The following RND3 variants were observed in gnomAD, a reference collection of about 807,000 sequenced individuals.
RND3 encodes the protein Rho family GTPase 3, also known as rho-related GTP-binding protein RhoE.
Under a neutral mutation model 26.5 loss-of-function variants are expected in RND3, and 8 were observed. The ratio of observed to expected loss-of-function variants is 0.30; its 90% CI spans 0.18 to 0.54. The LOEUF (loss-of-function observed/expected upper bound fraction) is 0.54, where lower values mean the gene tolerates loss of function less well. Ranked by LOEUF, RND3 falls within the 20% of genes least tolerant of loss-of-function variation. The probability of loss-of-function intolerance (pLI) is 0.94; values close to 1 mark genes in which losing one functional copy is unlikely to be tolerated. For missense variants in RND3, 207 were observed against 302.8 expected, an observed-to-expected ratio of 0.68 and a Z score of 2.35; for synonymous variants, 113 against 113.0, an observed-to-expected ratio of 1.00 and a Z score of 0.00.
At chr2:150,482,859 C>T (rs1422134067) in intron 3 of RND3, among the ~76,000 whole-genome samples, 2 of 152,088 alleles carry the variant, frequency 1.3e-5, no homozygotes, top group Non-Finnish European at 2.9e-5. Context: ...AAGGACCTGA[C>T]AAAATTAGGT....
rs750552350 is a variant in RND3 at position 150,486,252 on chromosome 2, C to G, written c.238+442G>C. Among the ~76,000 whole-genome samples the G allele has an allele frequency of 2.0e-5, 3 of 151,862 alleles. No individual in the cohort carries two copies. The highest frequency in any genetic ancestry group is 2.9e-5 in the Non-Finnish European group (2 of 67,962). ...GCGTCGCCTCTGGGATTTTCTCCCG[C>G]CTCCCATCACCCCCGCGGCGCTCCC... On this transcript the variant is annotated intron_variant, in intron 3 of 5. Coordinates refer to ENST00000263895, the MANE Select transcript of RND3 (RefSeq NM_005168.5). This position sits in a 1 kb window ranked among gnomAD's most constrained non-coding sequence, Gnocchi z 4.5.
At chr2:150,476,876 A>G (rs991958037) in intron 3 of RND3, among the ~76,000 whole-genome samples, 3 of 152,202 alleles carry the variant, frequency 2.0e-5, no homozygotes, top group Admixed American at 1.3e-4. Flanking sequence ...CTACATTAGT[A>G]TTTCCATATT....
Position 150,487,470 on chromosome 2 carries a change from A to ATATAT in RND3, c.-38-16_-38-15insATATA, listed in dbSNP as rs1236158055. On this transcript the variant is annotated splice_polypyrimidine_tract_variant and intron_variant, in intron 1 of 5. Coordinates refer to ENST00000263895, the MANE Select transcript of RND3 (RefSeq NM_005168.5). ...AGGAATTTTCTCTTAAGAAGAAAAA[A>ATATAT]AAAAATATATATATATATATATATT... The ATATAT allele has an allele frequency of 2.0e-5, 8 of 402,446 alleles. No homozygotes were observed. The highest frequency in any genetic ancestry group is 1.0e-4 in the African/African-American group (3 of 28,770). 24.9% of individuals were successfully genotyped at this position (402,446 alleles called of 1,614,324 possible). A position where few individuals can be genotyped will look rare whatever the true frequency, so the allele number is the denominator to read the frequency against.
chr2:150,485,646 A>G (rs1299899506), intron 3 of RND3, among the ~76,000 whole-genome samples: 3 of 152,208 alleles, frequency 2.0e-5, no homozygotes, highest in African/African-American at 4.8e-5. Context: ...CTTGGAAACA[A>G]ACTCGCTAGA....
At position 150,469,981 on chromosome 2, in the gene RND3, A is replaced by G. The variant is rs1211250687; in HGVS notation, c.*6T>C. On this transcript the variant is annotated 3_prime_UTR_variant, in exon 6 of 6. Transcript: ENST00000263895. ...TCCTTTGTCTTCATTAAAGATAATG[A>G]AAGATTCACATCACAGTGCAGCTCT... 3.1e-6 allele frequency: 5 copies of G among 1,612,686 alleles called. No individual in the cohort carries two copies. The highest frequency in any genetic ancestry group is 4.2e-6 in the Non-Finnish European group (5 of 1,179,074).
intron 4 of RND3, 58 bp downstream of exon 4, chr2:150,474,817 A>G: frequency 1.0e-6 from 1 of 982,768 alleles, no homozygotes; most frequent in Admixed American, 1.8e-5. Flanking sequence ...AACAAACCCC[A>G]CGTTTCTATT....
rs1451483010 is a variant in RND3 at position 150,471,630 on chromosome 2, G to A, written c.480C>T (p.Asp160=). The change falls in exon 5 of 6, where the codon GAC becomes GAT. Residue 160 remains aspartate (D), a synonymous_variant. Transcript: ENST00000263895. ...TGCACATGGGCAACATACATACCTG[G>A]TCATAGGACACTGGCGTCTGCCTGT... The part of the protein sequence containing the change: ...SNHRQTPVSY[D]QGANMAKQIG... 1.2e-6 allele frequency: 2 copies of A among 1,610,282 alleles called. No homozygotes were observed. The highest frequency in any genetic ancestry group is 1.3e-5 in the African/African-American group (1 of 74,780).
chr2:150,473,835 A>G (rs891154907), intron 4 of RND3, among the ~76,000 whole-genome samples: 2 of 152,222 alleles, frequency 1.3e-5, no homozygotes, highest in African/African-American at 4.8e-5. Context: ...TTAAAATGAA[A>G]AAAACAAAAC....
rs2293566 is a variant in RND3, at chr2:150,474,819, G to A, written c.348+56C>T. The A allele has an allele frequency of 2.3e-3, 2,321 of 1,011,182 alleles. 21 individuals carry two copies. In the Middle Eastern group the frequency reaches 0.028, roughly 12 times the overall value. 62.6% of individuals were successfully genotyped at this position (1,011,182 alleles called of 1,614,324 possible). ...CTTTGAGCTTCCCAACAAACCCCAC[G>A]TTTCTATTTATACATCACCCAGTAC... On this transcript the variant is annotated intron_variant, in intron 4 of 5. Coordinates refer to ENST00000263895, the MANE Select transcript of RND3 (RefSeq NM_005168.5).
chr2:150,487,215 C>T, intron 2 of RND3, 53 bp downstream of exon 2: 3 of 1,382,866 alleles, frequency 2.2e-6, no homozygotes, highest in Non-Finnish European at 2.9e-6. Flanking sequence ...CACCTCGGGA[C>T]TGGGATCCCA....
intron 3 of RND3, among the ~76,000 whole-genome samples, chr2:150,481,508 T>C (rs927898026): frequency 1.3e-5 from 2 of 152,178 alleles, no homozygotes; most frequent in Non-Finnish European, 2.9e-5. Context: ...AGCCTGAATA[T>C]TTTAAATTTT....
At chr2:150,478,578 G>GAAAAAAAAA (rs752844515) in intron 3 of RND3, among the ~76,000 whole-genome samples, 1,089 of 73,866 alleles carry the variant, frequency 0.015, 15 homozygotes, top group African/African-American at 0.024. Context: ...AAGCCAAACG[G>GAAAAAAAAA]CAAAAAAAAA....
intron 3 of RND3, 148 bp from the exon 4 acceptor site, chr2:150,475,132 G>C: frequency 3.5e-6 from 2 of 578,534 alleles, no homozygotes; most frequent in Non-Finnish European, 6.3e-6. Flanking sequence ...AATTCAAACA[G>C]ACACACAAAA....
chr2:150,485,672 C>A (rs79699548), intron 3 of RND3, among the ~76,000 whole-genome samples: 1,738 of 152,216 alleles, frequency 0.011, 41 homozygotes, highest in African/African-American at 0.039. Flanking sequence ...CTGGTTAGGG[C>A]GGCGGGTGCC....
At chr2:150,471,500 A>G (rs781458782) in intron 5 of RND3, 127 bp downstream of exon 5, 2 of 732,856 alleles carry the variant, frequency 2.7e-6, no homozygotes, top group African/African-American at 1.8e-5. Context: ...AGCATTTTAA[A>G]TTTCACAACT....
intron 3 of RND3, among the ~76,000 whole-genome samples, chr2:150,476,554 T>C (rs1259615548): frequency 6.6e-6 from 1 of 152,174 alleles, no homozygotes; most frequent in Admixed American, 6.5e-5. Flanking sequence ...TGTGAATAAA[T>C]AGAGAATTAA....
chr2:150,476,869 C>T (rs1211361491), intron 3 of RND3, among the ~76,000 whole-genome samples: 1 of 152,182 alleles, frequency 6.6e-6, no homozygotes, highest in African/African-American at 2.4e-5. Flanking sequence ...TTTATGGCTA[C>T]ATTAGTATTT....
chr2:150,485,337 T>C (rs1207994102), intron 3 of RND3: 1 of 152,308 alleles, frequency 6.6e-6, no homozygotes, highest in African/African-American at 2.4e-5. Context: ...TCCTTCCTCT[T>C]GCTCTCTGAA....
chr2:150,487,163 T>TC, intron 2 of RND3, 105 bp downstream of exon 2: 2 of 802,826 alleles, frequency 2.5e-6, no homozygotes, highest in East Asian at 3.2e-5. Flanking sequence ...TTTTTTTCTT[T>TC]TTTTTTTTTT....
Sources: gnomAD v4.1 joint callset for allele counts (sites outside exome capture counted in the v4.1 genomes callset) on GRCh38, gnomAD v4.1.1 for gene constraint, Gnocchi (gnomAD v3.1) non-coding constraint, MANE v1.5 for transcripts, NCBI Gene and HGNC (gene_info 2026-07-23, HGNC 2026-07-21) for gene names.